LMNTD1: variants seen among roughly 807,000 people sequenced by gnomAD.
LMNTD1 encodes lamin tail domain-containing protein 1.
LMNTD1 carries 35 observed loss-of-function variants against 50.9 expected under a neutral mutation model. That is an observed-to-expected ratio of 0.69 (90% CI 0.53 to 0.91). LMNTD1 has a LOEUF of 0.91. Ranked by LOEUF, LMNTD1 falls within the 40% of genes least tolerant of loss-of-function variation. The pLI is 0.00. For synonymous variants in LMNTD1, 153 were observed against 161.9 expected, an observed-to-expected ratio of 0.94 and a Z score of 0.42; for missense variants, 470 against 475.5, an observed-to-expected ratio of 0.99 and a Z score of 0.11.
chr12:25,627,413 G>A (rs969958), intron 1 of LMNTD1, among the ~76,000 whole-genome samples: 109,675 of 152,068 alleles, frequency 0.72, 39,860 homozygotes, highest in Non-Finnish European at 0.75. Context: ...ACTGTGCTCA[G>A]TCGTTAATCA....
At chr12:25,632,901 CAACT>C (rs1466713489) in intron 1 of LMNTD1, among the ~76,000 whole-genome samples, 4 of 152,080 alleles carry the variant, frequency 2.6e-5, no homozygotes, top group South Asian at 2.1e-4. Flanking sequence ...ACTCACCAAC[CAACT>C]ATCTGTTGCC....
At chr12:25,537,648 C>T (rs2136164337) in intron 4 of LMNTD1, among the ~76,000 whole-genome samples, 1 of 152,022 alleles carries the variant, frequency 6.6e-6, no homozygotes, top group Middle Eastern at 3.4e-3. Context: ...AAACTGGAAA[C>T]TCTAAAAATC....
At chr12:25,523,639 T>C (rs1190081405) in intron 6 of LMNTD1, among the ~76,000 whole-genome samples, 2 of 152,204 alleles carry the variant, frequency 1.3e-5, no homozygotes, top group South Asian at 4.1e-4. Context: ...TATCCAGTGC[T>C]ATGAAAGTGA....
intron 1 of LMNTD1, among the ~76,000 whole-genome samples, chr12:25,627,848 G>A (rs957193774): frequency 1.3e-5 from 2 of 152,092 alleles, no homozygotes; most frequent in Non-Finnish European, 2.9e-5. Flanking sequence ...GGTGGCTCAC[G>A]CCTGTAATCC....
At chr12:25,479,436 T>C (rs1050759690) in intron 9 of LMNTD1, among the ~76,000 whole-genome samples, 7 of 152,208 alleles carry the variant, frequency 4.6e-5, no homozygotes, top group Admixed American at 6.5e-5. Context: ...CACAGCCTTC[T>C]GGAGAACTTT....
At chr12:25,534,687 A>G (rs1477776453) in intron 4 of LMNTD1, among the ~76,000 whole-genome samples, 1 of 152,238 alleles carries the variant, frequency 6.6e-6, no homozygotes, top group Non-Finnish European at 1.5e-5. Flanking sequence ...AAAGATTAGA[A>G]GGAACAGTAC....
chr12:25,619,764 C>G (rs2136561186), intron 1 of LMNTD1, among the ~76,000 whole-genome samples: 1 of 152,330 alleles, frequency 6.6e-6, no homozygotes, highest in East Asian at 1.9e-4. Flanking sequence ...GCTCATCCCC[C>G]AGGGATGGAC....
chr12:25,629,822 TAGAG>T (rs531011491), intron 1 of LMNTD1, among the ~76,000 whole-genome samples: 2 of 151,708 alleles, frequency 1.3e-5, no homozygotes, highest in Non-Finnish European at 2.9e-5. Flanking sequence ...AAAATATATA[TAGAG>T]AGAGAGACAG....
chr12:25,527,230 A>G (rs1565974588), intron 4 of LMNTD1, among the ~76,000 whole-genome samples: 1 of 152,116 alleles, frequency 6.6e-6, no homozygotes, highest in Non-Finnish European at 1.5e-5. Flanking sequence ...AGCCACAGGA[A>G]GTTGAGAATT....
intron 1 of LMNTD1, among the ~76,000 whole-genome samples, chr12:25,605,263 G>A: frequency 6.6e-6 from 1 of 152,044 alleles, no homozygotes; most frequent in Non-Finnish European, 1.5e-5. Flanking sequence ...CAGATGAGTA[G>A]GTTGCAAAAA....
At chr12:25,494,805 A>G (rs569499443) in intron 9 of LMNTD1, among the ~76,000 whole-genome samples, 5 of 152,184 alleles carry the variant, frequency 3.3e-5, no homozygotes, top group Non-Finnish European at 7.4e-5. Flanking sequence ...GATTAATTCA[A>G]TCAAAATAAC....
intron 1 of LMNTD1, among the ~76,000 whole-genome samples, chr12:25,586,347 C>T (rs996187245): frequency 1.4e-4 from 21 of 152,134 alleles, no homozygotes; most frequent in African/African-American, 4.3e-4. Context: ...GCTCTCAGGT[C>T]CTGCTTCCCT....
intron 1 of LMNTD1, among the ~76,000 whole-genome samples, chr12:25,628,589 T>G (rs1946646315): frequency 6.6e-6 from 1 of 152,188 alleles, no homozygotes; most frequent in South Asian, 2.1e-4. Context: ...AATCTTAAAA[T>G]TGGTGACTCT....
At chr12:25,575,922 T>A (rs527264872) in intron 1 of LMNTD1, among the ~76,000 whole-genome samples, 183 of 152,282 alleles carry the variant, frequency 1.2e-3, no homozygotes, top group African/African-American at 4.3e-3. Context: ...TTCCTACCTA[T>A]GAGTGAGAAC....
chr12:25,541,475 A>T lies in LMNTD1; in HGVS notation c.491+4899T>A, dbSNP rs1943067795. ...GAGAAAAACAAGCAATGGGGAAAGG[A>T]TTCCCTATTTAATAAATGGTTCTGG... On this transcript the variant is annotated intron_variant, in intron 4 of 9. Transcript: ENST00000458174. Among the ~76,000 whole-genome samples the T allele has an allele frequency of 2.5e-5, 3 of 118,060 alleles. No homozygotes were observed. In the South Asian group the frequency reaches 9.2e-4, roughly 36 times the overall value. 77.5% of individuals were successfully genotyped at this position (118,060 alleles called of 152,430 possible).
At chr12:25,477,473 G>A (rs188053159) in intron 9 of LMNTD1, among the ~76,000 whole-genome samples, 44 of 152,274 alleles carry the variant, frequency 2.9e-4, no homozygotes, top group African/African-American at 1.0e-3. Context: ...GGTGAAGATG[G>A]AGGATAATAG....
chr12:25,631,172 C>T (rs1251475193), intron 1 of LMNTD1, among the ~76,000 whole-genome samples: 1 of 152,134 alleles, frequency 6.6e-6, no homozygotes, highest in Admixed American at 6.5e-5. Context: ...CTCAGACATG[C>T]CTAGCCCCAC....
rs564077937 is a variant in LMNTD1 at position 25,567,741 on chromosome 12, C to T, written c.59-21187G>A. 2.6e-5 allele frequency among the ~76,000 whole-genome samples: 4 copies of T among 152,262 alleles called. 1 individual carries two copies. Among genetic ancestry groups the T allele is most frequent in the African/African-American group, 9.6e-5 (4 of 41,532 alleles). The stretch of plus-strand genomic sequence containing the variant: ...TGACATGCTGACTCTGCATCACCTT[C>T]CACCATGATTGTAAGTTCCCTGAAG... On this transcript the variant is annotated intron_variant, in intron 1 of 7. Coordinates refer to the LMNTD1 transcript ENST00000445693.
chr12:25,514,573 A>G (rs1025130597), intron 8 of LMNTD1, among the ~76,000 whole-genome samples: 2 of 151,582 alleles, frequency 1.3e-5, no homozygotes, highest in Non-Finnish European at 2.9e-5. Context: ...AAAAAAAAAG[A>G]AAGAATGAAT....
Sources: gnomAD v4.1 joint callset for allele counts (sites outside exome capture counted in the v4.1 genomes callset) on GRCh38, gnomAD v4.1.1 for gene constraint, MANE v1.5 for transcripts, NCBI Gene and HGNC (gene_info 2026-07-23, HGNC 2026-07-21) for gene names.